Variants in LINGO2 observed in about 807,000 individuals in gnomAD.
LINGO2 encodes leucine-rich repeat and immunoglobulin-like domain-containing nogo receptor-interacting protein 2.
Under a neutral mutation model 30.6 loss-of-function variants are expected in LINGO2, and 14 were observed. That is an observed-to-expected ratio of 0.46 (90% confidence interval 0.30 to 0.72). The LOEUF (loss-of-function observed/expected upper bound fraction) is 0.72, where lower values mean the gene tolerates loss of function less well. Ranked by LOEUF, LINGO2 falls within the 30% of genes least tolerant of loss-of-function variation. The pLI, the probability that LINGO2 is intolerant of heterozygous loss-of-function variation, is 0.07. For missense variants in LINGO2, 729 were observed against 751.7 expected (o/e 0.97, Z 0.35); for synonymous variants, 317 against 288.5 (o/e 1.10, Z -1.00).
At chr9:28,732,235 C>T in the LINGO2 span, among the ~76,000 whole-genome samples, 35 of 152,084 alleles carry the variant, frequency 2.3e-4, no homozygotes, top group East Asian at 3.9e-4. Flanking sequence ...CCTATTTAAA[C>T]GCTCATCGAA....
chr9:28,800,497 T>TG, the LINGO2 span, among the ~76,000 whole-genome samples: 1 of 152,042 alleles, frequency 6.6e-6, no homozygotes, highest in Non-Finnish European at 1.5e-5. Flanking sequence ...CCAAATCATT[T>TG]GGGGGGTCTG....
At position 28,491,361 on chromosome 9, in the gene LINGO2, G is replaced by A. The variant is rs528479873; in HGVS notation, c.-364-15336C>T. 2.0e-5 allele frequency among the ~76,000 whole-genome samples: 3 copies of A among 152,236 alleles called. No individual in the cohort carries two copies. The South Asian group carries it at 6.2e-4, about 32-fold the overall frequency. On this transcript the variant is annotated intron_variant, in intron 1 of 5. Transcript: ENST00000379992. ...CATTGCCTTCTTATCTGTTTTAGAA[G>A]GACCCTTGCCATTCCATCAGGCCCA...
intron 3 of LINGO2, among the ~76,000 whole-genome samples, chr9:28,346,150 T>G (rs899029736): frequency 6.6e-6 from 1 of 152,156 alleles, no homozygotes; most frequent in Non-Finnish European, 1.5e-5. Flanking sequence ...GAGATTATTT[T>G]GTTACCCAGA....
Position 28,383,555 on chromosome 9 carries a change from T to C in LINGO2, c.-278-10687A>G, listed in dbSNP as rs143171093. Among the ~76,000 whole-genome samples, 392 of 152,060 alleles carry C rather than the reference T, an allele frequency of 2.6e-3. 1 individual carries two copies. The highest frequency in any genetic ancestry group is 8.9e-3 in the African/African-American group (371 of 41,492). On this transcript the variant is annotated intron_variant, in intron 2 of 5. Transcript: ENST00000379992. ...CTCTATCTGGAAAGGAAGCAGTCCA[T>C]ACAGAGAAACTCACAGTGCACGAAG...
At chr9:28,771,891 T>C in the LINGO2 span, among the ~76,000 whole-genome samples, 7 of 152,154 alleles carry the variant, frequency 4.6e-5, no homozygotes, top group Non-Finnish European at 1.0e-4. Flanking sequence ...TCTCATTTTT[T>C]AACATATCAC....
At chr9:28,706,720 T>G in the LINGO2 span, among the ~76,000 whole-genome samples, 2 of 152,208 alleles carry the variant, frequency 1.3e-5, no homozygotes, top group African/African-American at 2.4e-5. Flanking sequence ...TTAGGGGACA[T>G]GTAACTACTA....
the LINGO2 span, among the ~76,000 whole-genome samples, chr9:28,777,231 C>T: frequency 6.6e-6 from 1 of 152,126 alleles, no homozygotes; most frequent in Non-Finnish European, 1.5e-5. Context: ...GGGATTAATA[C>T]ACTCAGTAAA....
chr9:29,065,073 C>A, the LINGO2 span, among the ~76,000 whole-genome samples: 1 of 152,208 alleles, frequency 6.6e-6, no homozygotes, highest in Non-Finnish European at 1.5e-5. Context: ...ACATCCAGGA[C>A]ATATTTGCTC....
At chr9:28,344,178 A>G (rs999545149) in intron 3 of LINGO2, among the ~76,000 whole-genome samples, 1 of 152,140 alleles carries the variant, frequency 6.6e-6, no homozygotes, top group Non-Finnish European at 1.5e-5. Flanking sequence ...ACCCTACATA[A>G]TTATTCACAA....
chr9:28,012,299 C>T (rs1425986416), intron 5 of LINGO2: 1 of 152,000 alleles, frequency 6.6e-6, no homozygotes, highest in Non-Finnish European at 1.5e-5. Flanking sequence ...CTCATGAGGA[C>T]TTTATGCCTT....
chr9:29,135,052 A>T, the LINGO2 span, among the ~76,000 whole-genome samples: 1 of 152,118 alleles, frequency 6.6e-6, no homozygotes, highest in African/African-American at 2.4e-5. Flanking sequence ...ACATGAAAGC[A>T]AATATATTTA....
the LINGO2 span, among the ~76,000 whole-genome samples, chr9:29,147,529 C>T: frequency 6.6e-6 from 1 of 152,050 alleles, no homozygotes; most frequent in Admixed American, 6.6e-5. Context: ...TAATTTCAGA[C>T]CTATTTATGC....
chr9:28,986,280 C>T, the LINGO2 span, among the ~76,000 whole-genome samples: 1 of 151,846 alleles, frequency 6.6e-6, no homozygotes, highest in East Asian at 1.9e-4. Context: ...ATTACTATAG[C>T]ATTATAATAG....
chr9:28,522,447 T>A (rs1820861778), intron 1 of LINGO2, among the ~76,000 whole-genome samples: 1 of 152,160 alleles, frequency 6.6e-6, no homozygotes, highest in Non-Finnish European at 1.5e-5. Context: ...TCTCTTGAAC[T>A]CATCAGTTCT....
intron 1 of LINGO2, among the ~76,000 whole-genome samples, chr9:28,518,736 T>C (rs550747934): frequency 6.6e-6 from 1 of 152,346 alleles, no homozygotes; most frequent in Non-Finnish European, 1.5e-5. Flanking sequence ...TATATAAGTA[T>C]ATAAGTGATT....
At chr9:29,119,147 A>G in the LINGO2 span, among the ~76,000 whole-genome samples, 1 of 152,214 alleles carries the variant, frequency 6.6e-6, no homozygotes, top group African/African-American at 2.4e-5. Context: ...AGGGAAAGCC[A>G]TAACAATCAG....
chr9:28,030,937 C>T (rs1823636848), intron 4 of LINGO2, among the ~76,000 whole-genome samples: 1 of 152,114 alleles, frequency 6.6e-6, no homozygotes, highest in South Asian at 2.1e-4. Flanking sequence ...CTCCCCAAGG[C>T]CACATTGCAC....
At chr9:28,517,138 C>T (rs938513795) in intron 1 of LINGO2, among the ~76,000 whole-genome samples, 9 of 152,320 alleles carry the variant, frequency 5.9e-5, no homozygotes, top group African/African-American at 1.7e-4. Flanking sequence ...ATTCTTCATT[C>T]ATTCGTCTTC....
chr9:28,491,099 T>C (rs1826378927), intron 1 of LINGO2, among the ~76,000 whole-genome samples: 1 of 152,240 alleles, frequency 6.6e-6, no homozygotes, highest in African/African-American at 2.4e-5. Flanking sequence ...CTTGTTGCCA[T>C]TGTAACAAAT....
Sources: allele counts gnomAD v4.1 joint callset (sites outside exome capture counted in the v4.1 genomes callset), GRCh38; gene constraint gnomAD v4.1.1; transcripts MANE v1.5; gene names NCBI Gene and HGNC (gene_info 2026-07-23, HGNC 2026-07-21).